NRP1: variants seen among roughly 807,000 people sequenced by gnomAD.
The protein encoded by NRP1 is neuropilin 1, also known as neuropilin-1.
NRP1 carries 35 observed loss-of-function variants against 106.7 expected under a neutral mutation model. That is an observed-to-expected ratio of 0.33 (90% CI 0.25 to 0.43). The LOEUF (loss-of-function observed/expected upper bound fraction) is 0.43, where lower values mean the gene tolerates loss of function less well. Among genes scored for constraint, NRP1 ranks in the 20% least tolerant of loss-of-function variants. The pLI is 1.00. For synonymous variants in NRP1, 437 were observed against 417.9 expected, an observed-to-expected ratio of 1.05 and a Z score of -0.56; for missense variants, 1,024 against 1,170.4, an observed-to-expected ratio of 0.87 and a Z score of 1.83.
chr10:33,223,861 C>T (rs1010817865), intron 7 of NRP1, among the ~76,000 whole-genome samples: 1 of 152,152 alleles, frequency 6.6e-6, no homozygotes, highest in Non-Finnish European at 1.5e-5. Flanking sequence ...AGTCCTTGTC[C>T]GAGGGAGACC....
intron 3 of NRP1, among the ~76,000 whole-genome samples, chr10:33,267,608 G>T (rs1233855402): frequency 6.6e-6 from 1 of 151,524 alleles, no homozygotes; most frequent in African/African-American, 2.4e-5. Context: ...CGTCCCCCTT[G>T]CACTGAGACC....
At position 33,193,157 on chromosome 10, in the gene NRP1, A is replaced by G. The variant is rs1010612526; in HGVS notation, c.1925-739T>C. ...TCTCTTTTCTTTTTTTTAATGTTCA[A>G]AAGGCTTCCTTAGGAATCTGAAAAG... is the stretch of plus-strand genomic sequence containing the variant. On this transcript the variant is annotated intron_variant, in intron 12 of 16. Coordinates refer to ENST00000374867, the MANE Select transcript of NRP1 (RefSeq NM_003873.7). 2.0e-5 allele frequency among the ~76,000 whole-genome samples: 3 copies of G among 152,204 alleles called. No individual in the cohort carries two copies. The East Asian group carries it at 5.8e-4, about 29-fold the overall frequency.
At chr10:33,257,228 T>C (rs1842257326) in intron 4 of NRP1, among the ~76,000 whole-genome samples, 2 of 152,314 alleles carry the variant, frequency 1.3e-5, no homozygotes, top group East Asian at 1.9e-4. Flanking sequence ...AGAGGTGACT[T>C]GTTTCCAGTG....
At chr10:33,309,242 A>C (rs1564476220) in intron 2 of NRP1, among the ~76,000 whole-genome samples, 1 of 152,162 alleles carries the variant, frequency 6.6e-6, no homozygotes, top group Non-Finnish European at 1.5e-5. Flanking sequence ...GGCCACTACT[A>C]ATCAGTCAGA....
At chr10:33,308,910 A>G (rs1360897900) in intron 2 of NRP1, among the ~76,000 whole-genome samples, 1 of 152,230 alleles carries the variant, frequency 6.6e-6, no homozygotes, top group Non-Finnish European at 1.5e-5. Context: ...AAATAAATAT[A>G]CATGCCTTTT....
At chr10:33,250,140 G>A (rs940879809) in intron 6 of NRP1, among the ~76,000 whole-genome samples, 2 of 152,174 alleles carry the variant, frequency 1.3e-5, no homozygotes, top group Admixed American at 6.5e-5. Flanking sequence ...AAATAGAAAT[G>A]TATGTGTGCT....
chr10:33,279,665 G>T (rs1249428092), intron 2 of NRP1, among the ~76,000 whole-genome samples: 1 of 152,178 alleles, frequency 6.6e-6, no homozygotes, highest in Non-Finnish European at 1.5e-5. Flanking sequence ...CTGGGAGACA[G>T]TGTGTGGATA....
Position 33,213,574 on chromosome 10 carries a change from C to A in NRP1, c.1426G>T (p.Ala476Ser), listed in dbSNP as rs564902260. ...TSRSGWALPPAPHSYINEWLQ... is the reference protein window; with the variant it reads ...TSRSGWALPPSPHSYINEWLQ... ...CACTCATTGATGTAGGAATGAGGTG[C>A]GGGTGGAAGTGCCCAGCCAGAGCGA... The change falls in exon 9 of 17, where the codon GCA becomes TCA. Residue 476 changes from alanine to serine, a missense_variant. By Grantham distance (99) the Ala-to-Ser change is moderately conservative (BLOSUM62 1). Around this residue, in one of 5 missense-constraint regions of NRP1, gnomAD observed 562 missense variants for 620.3 expected, o/e 0.91. Transcript: ENST00000374867. 2 of 1,613,986 alleles carry A rather than the reference C, an allele frequency of 1.2e-6. No homozygotes were observed. Among genetic ancestry groups the A allele is most frequent in the Admixed American group, 1.7e-5 (1 of 60,006 alleles).
intron 6 of NRP1, 39 bp from the exon 7 acceptor site, chr10:33,226,328 T>C (rs1488411576): frequency 6.2e-7 from 1 of 1,606,020 alleles, no homozygotes; most frequent in Admixed American, 1.7e-5. Context: ...GCACCATCCC[T>C]GCAGCACAGT....
intron 2 of NRP1, among the ~76,000 whole-genome samples, chr10:33,306,355 G>GGTGTGTGTGTGTGTGTGTGT (rs61242197): frequency 2.0e-5 from 3 of 148,026 alleles, no homozygotes; most frequent in East Asian, 2.0e-4. Context: ...GGGTCAGAAG[G>GGTGTGTGTGTGTGTGTGTGT]GTGTGTGTGT....
intron 2 of NRP1, among the ~76,000 whole-genome samples, chr10:33,323,651 C>T (rs1248160933): frequency 6.6e-6 from 1 of 152,284 alleles, no homozygotes; most frequent in South Asian, 2.1e-4. Context: ...CTGACTCTTA[C>T]AATCAGGATG....
intron 2 of NRP1, among the ~76,000 whole-genome samples, chr10:33,299,216 C>T (rs1845626517): frequency 6.6e-6 from 1 of 152,174 alleles, no homozygotes; most frequent in Non-Finnish European, 1.5e-5. Flanking sequence ...GCACCCCACC[C>T]TACAAAGCAG....
intron 2 of NRP1, among the ~76,000 whole-genome samples, chr10:33,279,686 C>T (rs190172163): frequency 3.3e-5 from 5 of 152,152 alleles, no homozygotes; most frequent in South Asian, 2.1e-4. Flanking sequence ...TGAGGGGCTG[C>T]GGATCTTGGG....
intron 13 of NRP1, among the ~76,000 whole-genome samples, chr10:33,188,434 G>A (rs1836165617): frequency 6.6e-6 from 1 of 152,088 alleles, no homozygotes; most frequent in Non-Finnish European, 1.5e-5. Flanking sequence ...CTTCATACCT[G>A]TATTTCCAGT....
At chr10:33,239,338 T>C (rs533630760) in intron 6 of NRP1, among the ~76,000 whole-genome samples, 102 of 152,216 alleles carry the variant, frequency 6.7e-4, no homozygotes, top group Non-Finnish European at 1.1e-3. Flanking sequence ...TATTTTCACA[T>C]ATAGTGCCTA....
chr10:33,195,379 A>G, intron 12 of NRP1: 1 of 384,200 alleles, frequency 2.6e-6, no homozygotes, highest in Non-Finnish European at 5.1e-6. Flanking sequence ...CTGGCAGAGC[A>G]TTAACCAGCT....
At chr10:33,303,553 G>A (rs1845948138) in intron 2 of NRP1, among the ~76,000 whole-genome samples, 1 of 152,090 alleles carries the variant, frequency 6.6e-6, no homozygotes. Context: ...ATTTCTAATT[G>A]ACAATGACCT....
intron 6 of NRP1, among the ~76,000 whole-genome samples, chr10:33,234,373 C>T (rs1381733550): frequency 6.6e-6 from 1 of 152,016 alleles, no homozygotes; most frequent in Non-Finnish European, 1.5e-5. Context: ...ATGCTATTCC[C>T]CAATTCATAT....
intron 2 of NRP1, among the ~76,000 whole-genome samples, chr10:33,294,860 C>T (rs772781447): frequency 6.6e-6 from 1 of 152,048 alleles, no homozygotes; most frequent in Non-Finnish European, 1.5e-5. Flanking sequence ...TTTTGATTAA[C>T]AACAAACACA....
Sources: gnomAD v4.1 joint callset for allele counts (sites outside exome capture counted in the v4.1 genomes callset) on GRCh38, gnomAD v4.1.1 for gene constraint, gnomAD v4.1.1 regional missense constraint, MANE v1.5 for transcripts, NCBI Gene and HGNC (gene_info 2026-07-23, HGNC 2026-07-21) for gene names.